MAG: variants seen among roughly 807,000 people sequenced by gnomAD.
MAG encodes the protein myelin associated glycoprotein, also known as myelin-associated glycoprotein.
MAG carries 30 observed loss-of-function variants against 60.7 expected under a neutral mutation model. The observed-to-expected ratio is 0.49, with a 90% CI of 0.37 to 0.67. The LOEUF is 0.67. MAG is among the 30% of genes least tolerant of loss of function. The pLI is 0.00. For missense variants in MAG, 795 were observed against 851.7 expected (o/e 0.93, Z 0.83); for synonymous variants, 384 against 376.8 (o/e 1.02, Z -0.22).
At chr19:35,300,114 T>C (rs2066436996) in intron 5 of MAG, 33 bp from the exon 6 acceptor site, 7 of 1,506,468 alleles carry the variant, frequency 4.6e-6, no homozygotes, top group African/African-American at 1.4e-5. Flanking sequence ...CCCCAGCACC[T>C]GCTCACTAAC....
At chr19:35,292,763 C>A (rs186618588) in intron 1 of MAG, among the ~76,000 whole-genome samples, 1 of 151,658 alleles carries the variant, frequency 6.6e-6, no homozygotes, top group East Asian at 1.9e-4. Flanking sequence ...TTTTATTTTT[C>A]GTTACTTTTT....
chr19:35,297,393 C>G (rs893631228), intron 4 of MAG, among the ~76,000 whole-genome samples: 1 of 150,376 alleles, frequency 6.6e-6, no homozygotes, highest in African/African-American at 2.5e-5. Context: ...ACACTACACA[C>G]ACACCACACA....
intron 7 of MAG, among the ~76,000 whole-genome samples, chr19:35,305,954 G>GCCC (rs2066481187): frequency 4.9e-5 from 2 of 41,068 alleles, no homozygotes; most frequent in African/African-American, 1.6e-4. Context: ...GACTGTCCCA[G>GCCC]CCCCCCACTC....
chr19:35,302,912 C>CT (rs869126086), intron 7 of MAG, among the ~76,000 whole-genome samples: 1,877 of 99,794 alleles, frequency 0.019, 28 homozygotes, highest in East Asian at 0.036. Flanking sequence ...CGGGAGTGGG[C>CT]TTTTTTTTTT....
At chr19:35,308,111 G>A (rs1444144878) in intron 7 of MAG, among the ~76,000 whole-genome samples, 7 of 152,308 alleles carry the variant, frequency 4.6e-5, no homozygotes, top group South Asian at 2.1e-4. Flanking sequence ...GTAAGTGTGT[G>A]ATGCAGGGAG....
chr19:35,312,631 G>A, intron 10 of MAG: 1 of 503,108 alleles, frequency 2.0e-6, no homozygotes, highest in Non-Finnish European at 3.5e-6. Context: ...CCATGGGGGG[G>A]CACGTACCAA....
intron 7 of MAG, among the ~76,000 whole-genome samples, chr19:35,308,784 ACATTG>A (rs1380502680): frequency 6.6e-6 from 1 of 152,102 alleles, no homozygotes; most frequent in Non-Finnish European, 1.5e-5. Context: ...TGTATACATT[ACATTG>A]AACTATGTGA....
chr19:35,308,093 C>T (rs959155437), intron 7 of MAG, among the ~76,000 whole-genome samples: 8 of 152,076 alleles, frequency 5.3e-5, no homozygotes, highest in Admixed American at 5.2e-4. Flanking sequence ...AAACAGGAGG[C>T]CCCTTATGTA....
chr19:35,297,657 C>T (rs1599648755), intron 4 of MAG, among the ~76,000 whole-genome samples: 1 of 146,846 alleles, frequency 6.8e-6, no homozygotes, highest in Admixed American at 6.8e-5. Flanking sequence ...ACTACACACA[C>T]TACACACACC....
In MAG at chr19:35,295,493, C is replaced by T. The variant is rs753895373; in HGVS notation, c.46+39C>T. The T allele has an allele frequency of 1.2e-5, 19 of 1,613,034 alleles. No individual in the cohort carries two copies. Among genetic ancestry groups the T allele is most frequent in the South Asian group, 8.8e-5 (8 of 90,908 alleles). On this transcript the variant is annotated intron_variant, in intron 3 of 10. Transcript: ENST00000392213. This position sits in a 1 kb window ranked among gnomAD's most constrained non-coding sequence, Gnocchi z 5.8. Reference sequence around the variant, plus strand: ...GGTGCTGGGGACCTAAAGGCTTTGGCCCCTGAGCAGGTTGGAGGTGGGTCC... The same window carrying T: ...GGTGCTGGGGACCTAAAGGCTTTGGTCCCTGAGCAGGTTGGAGGTGGGTCC...
At chr19:35,310,417 A>G in intron 8 of MAG, 130 bp from the exon 9 acceptor site, 1 of 884,012 alleles carries the variant, frequency 1.1e-6, no homozygotes. Flanking sequence ...GCTCCGTGCC[A>G]ATCAGTCAGT....
chr19:35,312,909 G>A (rs1665523571), intron 10 of MAG, among the ~76,000 whole-genome samples: 1 of 152,108 alleles, frequency 6.6e-6, no homozygotes, highest in Non-Finnish European at 1.5e-5. Context: ...CGTGTTGGCA[G>A]GTGCCTGTAA....
intron 4 of MAG, among the ~76,000 whole-genome samples, chr19:35,296,600 T>C (rs915790831): frequency 7.9e-5 from 12 of 152,100 alleles, no homozygotes; most frequent in Non-Finnish European, 1.5e-4. Context: ...TGGCCAGACA[T>C]GGCAATCAGA....
rs202205105 is a variant in MAG at position 35,299,577 on chromosome 19, C to G, written c.439C>G (p.Pro147Ala). Residue 147 changes from proline to alanine, a missense_variant, in exon 5 of 11, where the codon CCA becomes GCA. Coordinates refer to ENST00000392213, the MANE Select transcript of MAG (RefSeq NM_002361.4). ...IVNTPNIVVP[P>A]EVVAGTEVEV... ...AGACACCCCCAACATCGTGGTGCCC[C>G]CAGAGGTGGTGGCAGGCACGGAGGT... is the stretch of plus-strand genomic sequence containing the variant. 4.9e-4 allele frequency: 779 copies of G among 1,601,352 alleles called. No homozygotes were observed. Among genetic ancestry groups the G allele is most frequent in the Non-Finnish European group, 5.5e-4 (648 of 1,171,310 alleles).
In MAG at chr19:35,295,859, G is replaced by C; in HGVS notation, c.293G>C (p.Arg98Pro). 1 of 1,613,982 alleles carries C rather than the reference G, an allele frequency of 6.2e-7. No homozygotes were observed. Among genetic ancestry groups the C allele is most frequent in the Non-Finnish European group, 8.5e-7 (1 of 1,180,022 alleles). Residue 98 changes from arginine to proline, a missense_variant, in exon 4 of 11, where the codon CGA (arginine) becomes CCA (proline). Coordinates refer to ENST00000392213, the MANE Select transcript of MAG (RefSeq NM_002361.4). The surrounding 1 kb of genome is among the most constrained non-coding windows in gnomAD (Gnocchi z 5.8). ...CGCCTCCTGGGGGACCTGGGCCTGC[G>C]AAACTGCACCCTCCTGCTCAGCAAC... The part of the protein sequence containing the change: ...RSRLLGDLGL[R>P]NCTLLLSNVS...
chr19:35,302,621 G>A lies in MAG; in HGVS notation c.1144G>A (p.Val382Met), dbSNP rs751480059. 14 of 1,614,102 alleles carry A rather than the reference G, an allele frequency of 8.7e-6. No individual in the cohort carries two copies. The highest frequency in any genetic ancestry group is 4.0e-5 in the African/African-American group (3 of 74,944). ...ESELQLELPA[V>M]SPEDDGEYWC... is the part of the protein sequence containing the mutation. ...CGAGCTGCAGCTGGAGCTGCCGGCC[G>A]TGTCACCCGAGGATGATGGAGAGTA... Residue 382 changes from valine to methionine, a missense_variant, in exon 7 of 11, where the codon GTG (valine) becomes ATG (methionine). Physicochemically the swap from Val to Met is conservative, Grantham distance 21 (BLOSUM62 1). Transcript: ENST00000392213.
chr19:35,312,574 A>G (rs1315092747), intron 10 of MAG: 2 of 585,642 alleles, frequency 3.4e-6, no homozygotes, highest in Non-Finnish European at 6.1e-6. Flanking sequence ...GGGAACCCAC[A>G]TGTCACCTGC....
chr19:35,292,643 A>AGG (rs1270220102), intron 1 of MAG, among the ~76,000 whole-genome samples: 3 of 126,538 alleles, frequency 2.4e-5, no homozygotes, highest in African/African-American at 9.9e-5. Context: ...GGCACATAGC[A>AGG]GGTGTGTGTG....
Position 35,292,162 on chromosome 19 carries a change from AGCTGG to A in MAG, c.-116_-112del, listed in dbSNP as rs1299812043. On this transcript the variant is annotated 5_prime_UTR_variant, in exon 1 of 11. Transcript: ENST00000392213. ...AGACCCTGGAAGGCAGGGGACTGCG[AGCTGG>A]GCTGGCGGAGCAGAGGTGCAGAAGC... 1 of 454,592 alleles carries A rather than the reference AGCTGG, an allele frequency of 2.2e-6. No individual in the cohort carries two copies. Among genetic ancestry groups the A allele is most frequent in the East Asian group, 6.9e-5 (1 of 14,410 alleles). The allele number at this position is 454,592 out of a possible 1,614,324, so 28.2% of individuals were successfully genotyped here.
Sources: gnomAD v4.1 joint callset for allele counts (sites outside exome capture counted in the v4.1 genomes callset) on GRCh38, gnomAD v4.1.1 for gene constraint, Gnocchi (gnomAD v3.1) non-coding constraint, MANE v1.5 for transcripts, NCBI Gene and HGNC (gene_info 2026-07-23, HGNC 2026-07-21) for gene names.